The following FAAH2 variants were observed in gnomAD, a reference collection of about 807,000 sequenced individuals.
The protein encoded by FAAH2 is fatty acid amide hydrolase 2, also known as fatty-acid amide hydrolase 2.
In FAAH2, 60 loss-of-function variants were observed where a neutral mutation model predicts 36.9. That is an observed-to-expected ratio of 1.63 (90% CI 1.32 to 2.02). FAAH2 has a LOEUF of 2.02. FAAH2 is among the 30% of genes most tolerant of loss of function. The pLI is 0.00. For missense variants in FAAH2, 689 were observed against 397.5 expected (o/e 1.73, Z -6.23); for synonymous variants, 214 against 143.8 (o/e 1.49, Z -3.49).
chrX:57,283,926 C>T (rs1221556641), upstream of FAAH2, among the ~76,000 whole-genome samples: 1 of 111,985 alleles, frequency 8.9e-6, no homozygotes, highest in African/African-American at 3.2e-5. Flanking sequence ...TCAAGAGGCA[C>T]TGCTCAGTGA....
the FAAH2 span, chrX:57,136,210 C>A: frequency 1.1e-5 from 13 of 1,210,277 alleles, no homozygotes; most frequent in African/African-American, 1.7e-5. Flanking sequence ...ACTGCTTTGC[C>A]AATTATGGTA....
Position 57,331,764 on chromosome X carries a change from A to C in FAAH2, c.579A>C (p.Ser193=). ...YESSNKIYGR[S]NNPYDLQHIV... The stretch of plus-strand genomic sequence containing the variant: ...CCAGTAACAAGATCTATGGCCGATC[A>C]AACAACCCATATGATTTACAGCATA... The change falls in exon 4 of 11, where the codon TCA becomes TCC. Residue 193 remains serine, a synonymous_variant. Transcript: ENST00000374900. 1.7e-6 allele frequency: 2 copies of C among 1,211,859 alleles called. No individual in the cohort carries two copies. Among genetic ancestry groups the C allele is most frequent in the Non-Finnish European group, 2.2e-6 (2 of 895,553 alleles).
intron 6 of FAAH2, among the ~76,000 whole-genome samples, chrX:57,379,878 C>A (rs1185423216): frequency 9.3e-6 from 1 of 107,080 alleles, no homozygotes; most frequent in Non-Finnish European, 1.9e-5. Flanking sequence ...CATTCATTAC[C>A]TCATTATAAC....
intron 7 of FAAH2, among the ~76,000 whole-genome samples, chrX:57,429,041 A>G (rs1356263906): frequency 8.9e-6 from 1 of 111,816 alleles, no homozygotes; most frequent in Non-Finnish European, 1.9e-5. Context: ...ACAACAACAA[A>G]TAATTCTGCC....
At chrX:57,468,224 G>A (rs1357546795) in intron 10 of FAAH2, among the ~76,000 whole-genome samples, 3 of 111,969 alleles carry the variant, frequency 2.7e-5, no homozygotes, top group South Asian at 7.4e-4. Flanking sequence ...CTCCTCAACA[G>A]CAATGGAACA....
chrX:57,316,440 A>G (rs912864586), intron 3 of FAAH2, among the ~76,000 whole-genome samples: 3 of 112,041 alleles, frequency 2.7e-5, no homozygotes, highest in Non-Finnish European at 5.6e-5. Context: ...AAGCAAATAG[A>G]AGCAGAGATA....
At chrX:57,337,422 C>T (rs2053580786) in intron 4 of FAAH2, among the ~76,000 whole-genome samples, 1 of 111,204 alleles carries the variant, frequency 9.0e-6, no homozygotes, top group Non-Finnish European at 1.9e-5. Context: ...CAGCATCATC[C>T]TGATAAGAAA....
chrX:57,443,827 C>T (rs766376020), intron 8 of FAAH2, among the ~76,000 whole-genome samples: 3 of 112,313 alleles, frequency 2.7e-5, no homozygotes, highest in Non-Finnish European at 3.8e-5. Flanking sequence ...AGTTTTCCTT[C>T]TAACAGTCAG....
chrX:57,325,647 G>C (rs1457350012), intron 3 of FAAH2, among the ~76,000 whole-genome samples: 1 of 92,889 alleles, frequency 1.1e-5, no homozygotes, highest in Non-Finnish European at 2.1e-5. Context: ...ATAGTAGTCT[G>C]ATGGTAGTTT....
Position 57,476,994 on chromosome X carries a change from T to A in FAAH2, c.1424-11763T>A, listed in dbSNP as rs541638592. ...TTTCTAGTTTATTTGCATAGAGGTG[T>A]TTACAGTATTCTCTGATGGTAATTT... is the stretch of plus-strand genomic sequence containing the variant. On this transcript the variant is annotated intron_variant, in intron 10 of 10. Coordinates refer to ENST00000374900, the MANE Select transcript of FAAH2 (RefSeq NM_174912.4). 3.0e-4 allele frequency among the ~76,000 whole-genome samples: 34 copies of A among 111,529 alleles called. No individual in the cohort carries two copies. The South Asian group carries it at 0.013, about 42-fold the overall frequency.
intron 5 of FAAH2, among the ~76,000 whole-genome samples, chrX:57,377,945 A>T (rs1215513489): frequency 1.8e-5 from 2 of 111,053 alleles, no homozygotes; most frequent in African/African-American, 3.3e-5. Flanking sequence ...GATATCTATT[A>T]TTGGTATATT....
the FAAH2 span, among the ~76,000 whole-genome samples, chrX:57,186,644 A>G: frequency 1.8e-5 from 2 of 111,528 alleles, no homozygotes; most frequent in African/African-American, 6.5e-5. Flanking sequence ...GCCTATGTTT[A>G]TTTGCTGAAT....
intron 1 of FAAH2, among the ~76,000 whole-genome samples, chrX:57,291,817 T>C (rs1390344655): frequency 9.0e-6 from 1 of 111,580 alleles, no homozygotes; most frequent in African/African-American, 3.2e-5. Context: ...CCACCCAGGA[T>C]GTTTTACTTG....
the FAAH2 span, among the ~76,000 whole-genome samples, chrX:57,152,765 G>A: frequency 9.0e-6 from 1 of 111,440 alleles, no homozygotes; most frequent in Non-Finnish European, 1.9e-5. Flanking sequence ...CCGGTGTGCT[G>A]CACCCACTGT....
intron 7 of FAAH2, among the ~76,000 whole-genome samples, chrX:57,407,443 G>A (rs2055593820): frequency 8.9e-6 from 1 of 112,062 alleles, no homozygotes. Context: ...TTGTTGGTCA[G>A]CATTCTGTCA....
At chrX:57,135,025 T>A in the FAAH2 span, 3 of 111,143 alleles carry the variant, frequency 2.7e-5, no homozygotes, top group East Asian at 8.5e-4. Context: ...CTACCAGAAG[T>A]CCAACATTTT....
the FAAH2 span, among the ~76,000 whole-genome samples, chrX:57,237,170 G>A: frequency 9.0e-6 from 1 of 111,312 alleles, no homozygotes; most frequent in South Asian, 3.7e-4. Context: ...GACCATAAGT[G>A]TGTAGAATTA....
At chrX:57,296,532 A>G (rs1411598827) in intron 2 of FAAH2, among the ~76,000 whole-genome samples, 1 of 111,941 alleles carries the variant, frequency 8.9e-6, no homozygotes, top group African/African-American at 3.3e-5. Flanking sequence ...CAGAAACTCT[A>G]AAAATCAGAG....
At chrX:57,173,654 T>C in the FAAH2 span, among the ~76,000 whole-genome samples, 1 of 111,841 alleles carries the variant, frequency 8.9e-6, no homozygotes, top group African/African-American at 3.2e-5. Context: ...TTCCAATTCT[T>C]AGGGGGAACG....
Sources: gnomAD v4.1 joint callset for allele counts (sites outside exome capture counted in the v4.1 genomes callset) on GRCh38, gnomAD v4.1.1 for gene constraint, MANE v1.5 for transcripts, NCBI Gene and HGNC (gene_info 2026-07-23, HGNC 2026-07-21) for gene names.